Variants in CPNE4 observed in about 807,000 individuals in gnomAD.
CPNE4 encodes the protein copine-4.
CPNE4 carries 25 observed loss-of-function variants against 67.9 expected under a neutral mutation model. That is an observed-to-expected ratio of 0.37 (90% confidence interval 0.27 to 0.51). The LOEUF is 0.51. Ranked by LOEUF, CPNE4 falls within the 20% of genes least tolerant of loss-of-function variation. The pLI, the probability that CPNE4 is intolerant of heterozygous loss-of-function variation, is 0.93. For synonymous variants in CPNE4, 242 were observed against 244.9 expected (o/e 0.99, Z 0.11); for missense variants, 464 against 690.8 (o/e 0.67, Z 3.68).
intron 2 of CPNE4, among the ~76,000 whole-genome samples, chr3:131,845,392 G>C (rs188256817): frequency 6.6e-6 from 1 of 152,162 alleles, no homozygotes; most frequent in Non-Finnish European, 1.5e-5. Context: ...ATAGCAAACC[G>C]AGGACTCAAA....
At chr3:131,571,709 C>G (rs1267755050) in intron 10 of CPNE4, among the ~76,000 whole-genome samples, 2 of 151,894 alleles carry the variant, frequency 1.3e-5, no homozygotes, top group Non-Finnish European at 2.9e-5. Context: ...ATCTCTCGTT[C>G]CCCCATCACC....
chr3:131,691,037 T>C (rs1652563241), intron 5 of CPNE4, among the ~76,000 whole-genome samples: 1 of 152,076 alleles, frequency 6.6e-6, no homozygotes, highest in Non-Finnish European at 1.5e-5. Flanking sequence ...TACCTATTAC[T>C]AAAACGTCAA....
chr3:131,765,065 G>C lies in CPNE4; in HGVS notation c.181-41440C>G, dbSNP rs150200193. On this transcript the variant is annotated intron_variant, in intron 2 of 15. Transcript: ENST00000429747. ...TATTATCTTCCCTTCAAGGAGACTTGGTTCAAGCTTCTAGCATGAGGGCCT... is the reference window on the plus strand; with the variant it reads ...TATTATCTTCCCTTCAAGGAGACTTCGTTCAAGCTTCTAGCATGAGGGCCT... 3.6e-3 allele frequency among the ~76,000 whole-genome samples: 546 copies of C among 152,184 alleles called. 4 individuals are homozygous for C. The highest frequency in any genetic ancestry group is 0.012 in the African/African-American group (510 of 41,554).
At chr3:131,667,296 G>A (rs138154802) in intron 7 of CPNE4, among the ~76,000 whole-genome samples, 1 of 152,252 alleles carries the variant, frequency 6.6e-6, no homozygotes, top group Non-Finnish European at 1.5e-5. Context: ...AGGTTCTTGA[G>A]GAGTTTAACA....
intron 11 of CPNE4, among the ~76,000 whole-genome samples, chr3:131,558,562 A>T (rs1582794139): frequency 6.6e-6 from 1 of 152,148 alleles, no homozygotes; most frequent in East Asian, 1.9e-4. Flanking sequence ...ACGTGCTTCA[A>T]TGGTAATGAG....
intron 1 of CPNE4, among the ~76,000 whole-genome samples, chr3:132,016,167 G>A (rs779723586): frequency 7.2e-5 from 11 of 152,072 alleles, no homozygotes; most frequent in African/African-American, 1.7e-4. Context: ...AGCACGCCAC[G>A]TATTACACCC....
At chr3:131,798,700 C>G (rs1191080300) in intron 2 of CPNE4, among the ~76,000 whole-genome samples, 1 of 152,124 alleles carries the variant, frequency 6.6e-6, no homozygotes, top group Non-Finnish European at 1.5e-5. Context: ...TTTTTCTCAA[C>G]TAGGCAAGTG....
chr3:131,989,283 G>A (rs2073123422), intron 1 of CPNE4, among the ~76,000 whole-genome samples: 1 of 152,176 alleles, frequency 6.6e-6, no homozygotes, highest in South Asian at 2.1e-4. Flanking sequence ...GAAAATATAG[G>A]AGTTTAGAGT....
intron 1 of CPNE4, among the ~76,000 whole-genome samples, chr3:132,005,829 C>G (rs189477852): frequency 6.6e-6 from 1 of 151,846 alleles, no homozygotes; most frequent in Admixed American, 6.6e-5. Flanking sequence ...AGTTCAAACC[C>G]ATATTGTTCA....
chr3:131,864,380 A>C (rs376277935), intron 2 of CPNE4, among the ~76,000 whole-genome samples: 5 of 151,714 alleles, frequency 3.3e-5, no homozygotes, highest in East Asian at 1.9e-4. Flanking sequence ...CTTTTATTTC[A>C]TTGAGCAGTG....
chr3:131,607,337 C>T (rs1939568313), intron 7 of CPNE4, among the ~76,000 whole-genome samples: 1 of 151,958 alleles, frequency 6.6e-6, no homozygotes, highest in African/African-American at 2.4e-5. Context: ...CTTTTCTTCT[C>T]ATTTCATCCC....
chr3:131,591,454 A>G (rs889406867), intron 7 of CPNE4, among the ~76,000 whole-genome samples: 5 of 152,118 alleles, frequency 3.3e-5, no homozygotes, highest in African/African-American at 1.2e-4. Flanking sequence ...TAGATTTTCC[A>G]TCATGCTTTG....
At chr3:131,791,484 TA>T (rs1209745137) in intron 2 of CPNE4, among the ~76,000 whole-genome samples, 3 of 152,184 alleles carry the variant, frequency 2.0e-5, no homozygotes, top group South Asian at 2.1e-4. Context: ...TCTCAACACC[TA>T]AACTAATATT....
intron 2 of CPNE4, among the ~76,000 whole-genome samples, chr3:131,794,916 G>A (rs1264590964): frequency 6.6e-6 from 1 of 152,196 alleles, no homozygotes; most frequent in Non-Finnish European, 1.5e-5. Flanking sequence ...GGCAAAGTCA[G>A]CCCAGAGGAA....
intron 6 of CPNE4, among the ~76,000 whole-genome samples, chr3:131,683,183 C>T (rs2080801174): frequency 6.6e-6 from 1 of 152,096 alleles, no homozygotes; most frequent in Non-Finnish European, 1.5e-5. Context: ...TCTACTTGTC[C>T]CTGTCCTTTG....
chr3:131,810,817 A>G (rs1326729012), intron 2 of CPNE4, among the ~76,000 whole-genome samples: 3 of 152,110 alleles, frequency 2.0e-5, no homozygotes, highest in Non-Finnish European at 4.4e-5. Context: ...GATAAAGAAA[A>G]TGTGGTGTAT....
At chr3:131,993,260 G>A (rs1678576706) in intron 1 of CPNE4, among the ~76,000 whole-genome samples, 1 of 135,040 alleles carries the variant, frequency 7.4e-6, no homozygotes, top group African/African-American at 2.5e-5. Flanking sequence ...ATATTTTGAT[G>A]AATTCCTTTG....
intron 2 of CPNE4, among the ~76,000 whole-genome samples, chr3:131,753,006 A>AATATAAAATATAAATTGT (rs2082667760): frequency 3.3e-5 from 5 of 151,388 alleles, no homozygotes; most frequent in Admixed American, 1.3e-4. Context: ...AAAATAATAA[A>AATATAAAATATAAATTGT]ATATAAAATA....
chr3:131,560,225 T>C (rs1936689837), intron 11 of CPNE4, among the ~76,000 whole-genome samples: 1 of 152,040 alleles, frequency 6.6e-6, no homozygotes, highest in Admixed American at 6.6e-5. Context: ...AGGGAAGCGA[T>C]ACATCTTCAA....
Sources: allele counts gnomAD v4.1 joint callset (sites outside exome capture counted in the v4.1 genomes callset), GRCh38; gene constraint gnomAD v4.1.1; transcripts MANE v1.5; gene names NCBI Gene and HGNC (gene_info 2026-07-23, HGNC 2026-07-21).